Variants in RSU1 observed in about 807,000 individuals in gnomAD.
RSU1 encodes rsu-1.
Under a neutral mutation model 31.1 loss-of-function variants are expected in RSU1, and 26 were observed. The observed-to-expected ratio is 0.84, with a 90% CI of 0.61 to 1.16. The LOEUF is 1.16. Ranked by LOEUF, RSU1 falls within the 50% of genes most tolerant of loss-of-function variation. The probability of loss-of-function intolerance (pLI) is 0.00; values close to 1 mark genes in which losing one functional copy is unlikely to be tolerated. For synonymous variants in RSU1, 164 were observed against 136.3 expected (o/e 1.20, Z -1.41); for missense variants, 320 against 339.1 (o/e 0.94, Z 0.44).
At chr10:16,601,410 G>C (rs1345587587) in intron 8 of RSU1, among the ~76,000 whole-genome samples, 1 of 152,204 alleles carries the variant, frequency 6.6e-6, no homozygotes, top group Non-Finnish European at 1.5e-5. Flanking sequence ...TCGGCAGAAA[G>C]GGACCACAGT....
At chr10:16,681,689 A>C (rs1453619799) in intron 8 of RSU1, among the ~76,000 whole-genome samples, 1 of 152,136 alleles carries the variant, frequency 6.6e-6, no homozygotes, top group Non-Finnish European at 1.5e-5. Context: ...GCAGATGGGG[A>C]AGCTGAGGTG....
At chr10:16,730,375 G>A (rs1390093162) in intron 7 of RSU1, among the ~76,000 whole-genome samples, 1 of 152,092 alleles carries the variant, frequency 6.6e-6, no homozygotes, top group Non-Finnish European at 1.5e-5. Flanking sequence ...TACTATCCCT[G>A]GAAGAGACCA....
intron 2 of RSU1, among the ~76,000 whole-genome samples, chr10:16,798,344 G>A (rs938613255): frequency 6.6e-6 from 1 of 152,154 alleles, no homozygotes; most frequent in Non-Finnish European, 1.5e-5. Context: ...ATATGGTTAG[G>A]CTGTGTTCCC....
In RSU1 at chr10:16,650,872, C is replaced by T. The variant is rs917153094; in HGVS notation, c.731+44151G>A. ...CTGGGATTACAGGCGTGAGCCACTGCACCTGGCTGAAAAACTTTCAATGTT... is the reference window on the plus strand; with the variant it reads ...CTGGGATTACAGGCGTGAGCCACTGTACCTGGCTGAAAAACTTTCAATGTT... On this transcript the variant is annotated intron_variant, in intron 8 of 8. Transcript: ENST00000345264. 1.1e-4 allele frequency among the ~76,000 whole-genome samples: 17 copies of T among 152,240 alleles called. 1 individual carries two copies. The highest frequency in any genetic ancestry group is 7.9e-4 in the Admixed American group (12 of 15,282).
At chr10:16,806,865 T>C (rs12243703) in intron 2 of RSU1, among the ~76,000 whole-genome samples, 33,482 of 152,156 alleles carry the variant, frequency 0.22, 4,495 homozygotes, top group African/African-American at 0.38. Context: ...GTGATTCTCC[T>C]GCCTCAGCCT....
intron 4 of RSU1, among the ~76,000 whole-genome samples, chr10:16,758,455 T>A (rs1837140542): frequency 6.6e-6 from 1 of 152,176 alleles, no homozygotes; most frequent in African/African-American, 2.4e-5. Flanking sequence ...AAGGTTTCCA[T>A]GAGAGGCTAC....
intron 7 of RSU1, among the ~76,000 whole-genome samples, chr10:16,735,262 T>C (rs1228965343): frequency 6.6e-6 from 1 of 152,170 alleles, no homozygotes; most frequent in Non-Finnish European, 1.5e-5. Context: ...AAGATGAAAA[T>C]GGTCTTAAAG....
intron 2 of RSU1, among the ~76,000 whole-genome samples, chr10:16,787,512 T>C (rs1229762537): frequency 6.6e-6 from 1 of 152,146 alleles, no homozygotes; most frequent in Non-Finnish European, 1.5e-5. Context: ...ACTGATATGG[T>C]TAGGCTGCGT....
chr10:16,807,315 G>A (rs550902965), intron 2 of RSU1, among the ~76,000 whole-genome samples: 8 of 152,254 alleles, frequency 5.3e-5, no homozygotes, highest in South Asian at 2.1e-4. Flanking sequence ...GCAAAGAAAC[G>A]GATGAAATAA....
chr10:16,813,670 G>A (rs2131281885), intron 2 of RSU1, among the ~76,000 whole-genome samples: 1 of 152,344 alleles, frequency 6.6e-6, no homozygotes, highest in African/African-American at 2.4e-5. Context: ...CTAACTAGCA[G>A]AATTTGAATC....
intron 8 of RSU1, among the ~76,000 whole-genome samples, chr10:16,602,117 A>C (rs989879445): frequency 1.6e-4 from 24 of 152,130 alleles, no homozygotes; most frequent in Non-Finnish European, 5.9e-5. Context: ...TCTGCAACTG[A>C]GATCTCCTCT....
At chr10:16,719,296 A>C (rs1836207449) in intron 7 of RSU1, among the ~76,000 whole-genome samples, 1 of 152,210 alleles carries the variant, frequency 6.6e-6, no homozygotes, top group Admixed American at 6.5e-5. Context: ...CAACTGAGGG[A>C]AACTCCATCT....
chr10:16,784,046 T>C (rs56817874), intron 2 of RSU1, among the ~76,000 whole-genome samples: 16,236 of 152,124 alleles, frequency 0.11, 2,231 homozygotes, highest in African/African-American at 0.32. Context: ...ATTGTGAAGA[T>C]TGCAGGGGCA....
intron 2 of RSU1, among the ~76,000 whole-genome samples, chr10:16,799,598 GC>G (rs1286768478): frequency 1.3e-5 from 2 of 151,588 alleles, no homozygotes; most frequent in Non-Finnish European, 2.9e-5. Context: ...ACCTCTAAGA[GC>G]CCTACCAGGT....
At chr10:16,809,996 G>A (rs537162115) in intron 2 of RSU1, among the ~76,000 whole-genome samples, 1 of 150,768 alleles carries the variant, frequency 6.6e-6, no homozygotes, top group Non-Finnish European at 1.5e-5. Flanking sequence ...CGGGGGTGGG[G>A]GGGGGAGGTG....
At chr10:16,736,912 T>C (rs571496936) in intron 7 of RSU1, among the ~76,000 whole-genome samples, 10 of 151,176 alleles carry the variant, frequency 6.6e-5, no homozygotes, top group African/African-American at 2.4e-4. Flanking sequence ...AAACAATAAA[T>C]CTTACTGAAT....
At chr10:16,811,328 C>G (rs1838404013) in intron 2 of RSU1, among the ~76,000 whole-genome samples, 1 of 152,098 alleles carries the variant, frequency 6.6e-6, no homozygotes, top group South Asian at 2.1e-4. Flanking sequence ...ATAACGTATC[C>G]CCACCATTAA....
At chr10:16,785,222 C>T (rs1168808697) in intron 2 of RSU1, among the ~76,000 whole-genome samples, 1 of 151,872 alleles carries the variant, frequency 6.6e-6, no homozygotes, top group African/African-American at 2.4e-5. Flanking sequence ...GCTTAGTCTC[C>T]CAGCCTACAT....
At chr10:16,763,008 AC>A (rs376984091) in intron 4 of RSU1, among the ~76,000 whole-genome samples, 2,408 of 149,448 alleles carry the variant, frequency 0.016, 66 homozygotes, top group African/African-American at 0.056. Context: ...AAAAAAAAAA[AC>A]AAAAACAAAA....
Sources: allele counts gnomAD v4.1 joint callset (sites outside exome capture counted in the v4.1 genomes callset), GRCh38; gene constraint gnomAD v4.1.1; transcripts MANE v1.5; gene names NCBI Gene and HGNC (gene_info 2026-07-23, HGNC 2026-07-21).